The following TPD52 variants were observed in gnomAD, a reference collection of about 807,000 sequenced individuals.
TPD52 encodes tumor protein D52.
In TPD52, 17 loss-of-function variants were observed where a neutral mutation model predicts 31.3. That is an observed-to-expected ratio of 0.54 (90% CI 0.37 to 0.82). The LOEUF (loss-of-function observed/expected upper bound fraction) is 0.82. TPD52 is among the 40% of genes least tolerant of loss of function. The probability of loss-of-function intolerance (pLI) is 0.00; values close to 1 mark genes in which losing one functional copy is unlikely to be tolerated. For missense variants in TPD52, 212 were observed against 240.1 expected, an observed-to-expected ratio of 0.88 and a Z score of 0.77; for synonymous variants, 83 against 89.6, an observed-to-expected ratio of 0.93 and a Z score of 0.42.
chr8:80,166,600 A>G (rs1811732253), intron 1 of TPD52, among the ~76,000 whole-genome samples: 1 of 151,758 alleles, frequency 6.6e-6, no homozygotes, highest in South Asian at 2.1e-4. Flanking sequence ...GCAATATTCA[A>G]TAAGAAATTT....
chr8:80,066,032 T>C lies in TPD52; in HGVS notation c.20-1439A>G, dbSNP rs528622911. On this transcript the variant is annotated intron_variant, in intron 1 of 7. Transcript: ENST00000518937. ...CATCACAGCCACTGCAGTTGTTCCC[T>C]GCTACCCCCCAGGACCATTTCTGAG... Among the ~76,000 whole-genome samples, 5 of 150,868 alleles carry C rather than the reference T, an allele frequency of 3.3e-5. No individual in the cohort carries two copies. In the East Asian group the frequency reaches 9.8e-4, roughly 30 times the overall value.
intron 1 of TPD52, among the ~76,000 whole-genome samples, chr8:80,099,791 G>GT (rs1806603050): frequency 6.6e-6 from 1 of 152,210 alleles, no homozygotes; most frequent in Non-Finnish European, 1.5e-5. Flanking sequence ...GATTACAGGC[G>GT]TAAGCCAGCG....
intron 1 of TPD52, among the ~76,000 whole-genome samples, chr8:80,109,784 T>C (rs1273281580): frequency 1.3e-5 from 2 of 152,236 alleles, no homozygotes; most frequent in East Asian, 3.8e-4. Flanking sequence ...ACACCTGTTA[T>C]TAGACTGCAG....
intron 1 of TPD52, among the ~76,000 whole-genome samples, chr8:80,137,444 G>GT (rs1475395278): frequency 4.6e-5 from 7 of 151,634 alleles, no homozygotes; most frequent in South Asian, 2.1e-4. Flanking sequence ...TCCAAGATAC[G>GT]TGTCAGTTAA....
At chr8:80,116,014 A>AAATGTAAAT (rs1275047584) in intron 1 of TPD52, among the ~76,000 whole-genome samples, 1 of 152,242 alleles carries the variant, frequency 6.6e-6, no homozygotes, top group East Asian at 1.9e-4. Flanking sequence ...ATAGAAAAAT[A>AAATGTAAAT]AATGTAAATA....
chr8:80,063,930 AG>A (rs1337240422), intron 2 of TPD52, among the ~76,000 whole-genome samples: 40 of 53,244 alleles, frequency 7.5e-4, no homozygotes, highest in East Asian at 2.9e-3. Context: ...AGGGAGGGGG[AG>A]GGGGGGCGGA....
chr8:80,105,684 G>A (rs1004813783), intron 1 of TPD52, among the ~76,000 whole-genome samples: 4 of 149,292 alleles, frequency 2.7e-5, no homozygotes, highest in African/African-American at 4.9e-5. Flanking sequence ...CAATCCTCCC[G>A]TCTCAACCTC....
intron 1 of TPD52, among the ~76,000 whole-genome samples, chr8:80,170,859 C>T (rs528827070): frequency 2.6e-4 from 40 of 152,292 alleles, no homozygotes; most frequent in African/African-American, 8.9e-4. Context: ...AGCTCTCTTC[C>T]CTCAAACCCA....
intron 2 of TPD52, among the ~76,000 whole-genome samples, chr8:80,063,931 G>C (rs1041304590): frequency 7.5e-6 from 1 of 133,106 alleles, no homozygotes; most frequent in African/African-American, 2.8e-5. Flanking sequence ...GGGAGGGGGA[G>C]GGGGGGCGGA....
At chr8:80,099,646 G>A (rs1367459910) in intron 1 of TPD52, among the ~76,000 whole-genome samples, 1 of 151,982 alleles carries the variant, frequency 6.6e-6, no homozygotes, top group African/African-American at 2.4e-5. Context: ...GAGTAGCTGG[G>A]ACTACAGGAG....
Position 80,084,319 on chromosome 8 carries a change from C to G in TPD52, c.20-19726G>C, listed in dbSNP as rs80333661. On this transcript the variant is annotated intron_variant, in intron 1 of 7. Coordinates refer to ENST00000518937, the MANE Select transcript of TPD52 (RefSeq NM_001025253.3). ...GATCTGGTCCACGCAGACACCCCAT[C>G]CCCTTGTTCACAGGGACTGGCCTAA... 1.9e-3 allele frequency among the ~76,000 whole-genome samples: 290 copies of G among 152,364 alleles called. 1 individual carries two copies. Among genetic ancestry groups the G allele is most frequent in the Admixed American group, 4.2e-3 (64 of 15,306 alleles).
At chr8:80,080,680 C>T in intron 1 of TPD52, 1 of 1,235,424 alleles carries the variant, frequency 8.1e-7, no homozygotes, top group Non-Finnish European at 1.0e-6. Context: ...CCTGAGCAAC[C>T]TTAGGAGGGG....
At chr8:80,055,652 C>G (rs1811797216) in intron 2 of TPD52, among the ~76,000 whole-genome samples, 1 of 152,136 alleles carries the variant, frequency 6.6e-6, no homozygotes, top group African/African-American at 2.4e-5. Flanking sequence ...TGACAAGGGA[C>G]TAATATCCAA....
intron 1 of TPD52, among the ~76,000 whole-genome samples, chr8:80,164,837 C>CATGCCACTG (rs1811603190): frequency 7.6e-6 from 1 of 132,150 alleles, no homozygotes; most frequent in Non-Finnish European, 1.5e-5. Flanking sequence ...GAGCAGAGAT[C>CATGCCACTG]ATGCCACTGC....
In TPD52 at chr8:80,053,320, G is replaced by A. The variant is rs1425078339; in HGVS notation, c.246C>T (p.Asn82=). Reference sequence around the variant, plus strand: ...TCACGTCTTGCCACCCTTTGGCAATGTTCTGTTTTAGTTCCTGTAGAGAAT... The same window carrying A: ...TCACGTCTTGCCACCCTTTGGCAATATTCTGTTTTAGTTCCTGTAGAGAAT... The part of the protein sequence containing the change: ...GINSLQELKQ[N]IAKGWQDVTA... The change falls in exon 3 of 8, where the codon AAC becomes AAT. Residue 82 remains asparagine (N), a synonymous_variant. Transcript: ENST00000518937. The A allele has an allele frequency of 6.2e-7, 1 of 1,613,696 alleles. No individual in the cohort carries two copies. Among genetic ancestry groups the A allele is most frequent in the Admixed American group, 1.7e-5 (1 of 59,992 alleles).
At chr8:80,111,022 A>G (rs959633155) in intron 1 of TPD52, among the ~76,000 whole-genome samples, 1 of 152,148 alleles carries the variant, frequency 6.6e-6, no homozygotes, top group Admixed American at 6.5e-5. Flanking sequence ...CCTGGGCAAC[A>G]TAGTGAGACC....
chr8:80,052,738 G>C, intron 3 of TPD52: 1 of 1,208,442 alleles, frequency 8.3e-7, no homozygotes, highest in Non-Finnish European at 1.1e-6. Context: ...TGGTCAAAAA[G>C]ACAAAAAGCC....
chr8:80,102,764 G>C (rs971658400), intron 1 of TPD52, among the ~76,000 whole-genome samples: 6 of 152,116 alleles, frequency 3.9e-5, no homozygotes, highest in African/African-American at 1.4e-4. Flanking sequence ...TGGTGGCCAG[G>C]GGAACCAACC....
chr8:80,063,148 A>C (rs1291753273), intron 2 of TPD52, among the ~76,000 whole-genome samples: 1 of 152,250 alleles, frequency 6.6e-6, no homozygotes, highest in Non-Finnish European at 1.5e-5. Flanking sequence ...AAAATCACCC[A>C]AATGTCTATG....
Sources: allele counts gnomAD v4.1 joint callset (sites outside exome capture counted in the v4.1 genomes callset), GRCh38; gene constraint gnomAD v4.1.1; transcripts MANE v1.5; gene names NCBI Gene and HGNC (gene_info 2026-07-23, HGNC 2026-07-21).